Variants in ESD observed in about 807,000 individuals in gnomAD.
The protein encoded by ESD is S-formylglutathione hydrolase.
Under a neutral mutation model 38.1 loss-of-function variants are expected in ESD, and 34 were observed. That is an observed-to-expected ratio of 0.89 (90% CI 0.68 to 1.19). The LOEUF (loss-of-function observed/expected upper bound fraction) is 1.19, where lower values mean the gene tolerates loss of function less well. ESD is among the 50% of genes most tolerant of loss of function. The pLI, the probability that ESD is intolerant of heterozygous loss-of-function variation, is 0.00. For synonymous variants in ESD, 97 were observed against 107.0 expected (o/e 0.91, Z 0.58); for missense variants, 334 against 327.2 (o/e 1.02, Z -0.16).
chr13:46,783,299 A>G (rs1176743833), intron 5 of ESD, among the ~76,000 whole-genome samples: 1 of 151,642 alleles, frequency 6.6e-6, no homozygotes, highest in East Asian at 1.9e-4. Context: ...TTTCCATCAC[A>G]TTTTTCCTAT....
intron 3 of ESD, among the ~76,000 whole-genome samples, chr13:46,789,006 T>C (rs753778872): frequency 2.6e-5 from 4 of 152,174 alleles, no homozygotes; most frequent in Admixed American, 1.3e-4. Context: ...CTTCTGGTCA[T>C]GTGACTACTG....
At chr13:46,797,592 C>T (rs993768944), upstream of ESD, among the ~76,000 whole-genome samples, 1 of 152,244 alleles carries the variant, frequency 6.6e-6, no homozygotes, top group Non-Finnish European at 1.5e-5. Context: ...AGACTATCCA[C>T]GTCACCTACT....
At position 46,787,069 on chromosome 13, in the gene ESD, G is replaced by T. The variant is rs750445758; in HGVS notation, c.109C>A (p.Pro37Thr). The change falls in exon 4 of 10, where the codon CCA (proline) becomes ACA (threonine). Residue 37 changes from proline (P) to threonine (T), a missense_variant. Physicochemically the swap from Pro to Thr is conservative, Grantham distance 38 (BLOSUM62 -1). Coordinates refer to ENST00000378720, the MANE Select transcript of ESD (RefSeq NM_001984.2). The part of the protein sequence containing the change: ...NCKMKFAVYL[P>T]PKAETGKCPA... ...CACTTTCCTGTTTCTGCCTTTGGTG[G>T]TAAGTAGACAGCAAATTTCATTTTG... 5 of 1,578,304 alleles carry T rather than the reference G, an allele frequency of 3.2e-6. No individual in the cohort carries two copies. The Admixed American group carries it at 6.9e-5, about 22-fold the overall frequency.
chr13:46,797,071 C>T (rs1875613339), intron 1 of ESD, 34 bp downstream of exon 1: 1 of 152,368 alleles, frequency 6.6e-6, no homozygotes, highest in South Asian at 2.1e-4. Context: ...GGAAGGCTGA[C>T]AACGTCCAGG....
chr13:46,793,160 G>A (rs1875455400), intron 2 of ESD, among the ~76,000 whole-genome samples: 1 of 151,956 alleles, frequency 6.6e-6, no homozygotes, highest in African/African-American at 2.4e-5. Flanking sequence ...CACCATTTTA[G>A]AAACTATCTT....
chr13:46,793,714 A>C (rs1009860261), intron 1 of ESD, among the ~76,000 whole-genome samples: 1 of 152,196 alleles, frequency 6.6e-6, no homozygotes, highest in Non-Finnish European at 1.5e-5. Flanking sequence ...GTACTATGAA[A>C]GTTTTTTATC....
At chr13:46,778,788 AACATAG>A (rs1874894457) in intron 8 of ESD, among the ~76,000 whole-genome samples, 1 of 151,822 alleles carries the variant, frequency 6.6e-6, no homozygotes, top group South Asian at 2.1e-4. Context: ...GCATTCTTCA[AACATAG>A]TAAAAATTCA....
chr13:46,789,995 T>C (rs1043140166), intron 3 of ESD, among the ~76,000 whole-genome samples: 9 of 90,986 alleles, frequency 9.9e-5, no homozygotes, highest in East Asian at 4.2e-4. Context: ...TTTGTACATA[T>C]ATATATATAT....
chr13:46,777,671 C>T (rs1357215760), intron 8 of ESD, 48 bp from the exon 9 acceptor site: 1 of 1,464,264 alleles, frequency 6.8e-7, no homozygotes, highest in Admixed American at 1.9e-5. Flanking sequence ...AGATACTCTT[C>T]AGGATATACT....
In ESD at chr13:46,791,425, T is replaced by C. The variant is rs2138304481; in HGVS notation, c.-7-5A>G. On this transcript the variant is annotated splice_region_variant and splice_polypyrimidine_tract_variant and intron_variant, in intron 2 of 9. Coordinates refer to ENST00000378720, the MANE Select transcript of ESD (RefSeq NM_001984.2). ...TGCTTCAATGCCATTCTTTTCCTAT[T>C]AGTAAAGAGTAATCTCATTAATTTC... 3 of 1,604,026 alleles carry C rather than the reference T, an allele frequency of 1.9e-6. No individual in the cohort carries two copies. Among genetic ancestry groups the C allele is most frequent in the Non-Finnish European group, 2.6e-6 (3 of 1,172,860 alleles).
chr13:46,797,571 C>A (rs1204285618), upstream of ESD, among the ~76,000 whole-genome samples: 1 of 152,202 alleles, frequency 6.6e-6, no homozygotes, highest in Non-Finnish European at 1.5e-5. Context: ...TCCCTCAACT[C>A]CTCTGTCCCA....
intron 8 of ESD, among the ~76,000 whole-genome samples, 176 bp from the exon 9 acceptor site, chr13:46,777,799 G>A (rs952935871): frequency 6.6e-6 from 1 of 151,674 alleles, no homozygotes; most frequent in East Asian, 1.9e-4. Flanking sequence ...CAAGGTCTTC[G>A]GAATTCTATT....
chr13:46,794,161 A>AAACAACAAC (rs201107262), intron 1 of ESD, among the ~76,000 whole-genome samples: 2 of 151,336 alleles, frequency 1.3e-5, no homozygotes, highest in African/African-American at 4.9e-5. Flanking sequence ...CCCCTCCAAA[A>AAACAACAAC]AACAACAACA....
At chr13:46,783,141 T>C (rs1225854413) in intron 5 of ESD, among the ~76,000 whole-genome samples, 1 of 151,988 alleles carries the variant, frequency 6.6e-6, no homozygotes, top group African/African-American at 2.4e-5. Context: ...TTATATCCTC[T>C]TTTTATCTTT....
At chr13:46,796,340 A>T (rs1875575181) in intron 1 of ESD, among the ~76,000 whole-genome samples, 1 of 152,224 alleles carries the variant, frequency 6.6e-6, no homozygotes, top group South Asian at 2.1e-4. Context: ...AAATGGGTAT[A>T]CAGTAATATA....
chr13:46,781,311 C>T (rs907879097), intron 7 of ESD, among the ~76,000 whole-genome samples, 185 bp downstream of exon 7: 17 of 151,704 alleles, frequency 1.1e-4, no homozygotes, highest in South Asian at 2.1e-4. Context: ...AATTCCTATG[C>T]GTCTGATTCT....
chr13:46,787,825 A>C (rs1875248468), intron 3 of ESD, among the ~76,000 whole-genome samples: 1 of 151,548 alleles, frequency 6.6e-6, no homozygotes, highest in Non-Finnish European at 1.5e-5. Context: ...TATATAAAAA[A>C]CTCTCCAACC....
upstream of ESD, among the ~76,000 whole-genome samples, chr13:46,797,408 C>T (rs147321622): frequency 1.5e-3 from 228 of 152,364 alleles, no homozygotes; most frequent in African/African-American, 5.3e-3. Context: ...GTCCCTGTCA[C>T]CTTGTCGGGG....
upstream of ESD, chr13:46,797,292 T>G (rs149621840): frequency 6.4e-3 from 985 of 153,008 alleles, 13 homozygotes; most frequent in African/African-American, 0.022. Flanking sequence ...CCTTTGCACA[T>G]TGCACTTCCC....
Sources: allele counts gnomAD v4.1 joint callset (sites outside exome capture counted in the v4.1 genomes callset), GRCh38; gene constraint gnomAD v4.1.1; transcripts MANE v1.5; gene names NCBI Gene and HGNC (gene_info 2026-07-23, HGNC 2026-07-21).